Variants in AHRR observed in about 807,000 individuals in gnomAD.
AHRR encodes the protein aryl hydrocarbon receptor repressor, also known as ahR repressor.
AHRR carries 28 observed loss-of-function variants against 44.0 expected under a neutral mutation model. The observed-to-expected ratio is 0.64, with a 90% CI of 0.47 to 0.87. The LOEUF is 0.87. Ranked by LOEUF, AHRR falls within the 40% of genes least tolerant of loss-of-function variation. The probability of loss-of-function intolerance (pLI) is 0.00; values close to 1 mark genes in which losing one functional copy is unlikely to be tolerated. For missense variants in AHRR, 990 were observed against 953.9 expected (o/e 1.04, Z -0.50); for synonymous variants, 434 against 407.0 (o/e 1.07, Z -0.80).
rs930367473 is a variant in AHRR, at chr5:387,566, T to C, written c.351+10850T>C. Among the ~76,000 whole-genome samples the C allele has an allele frequency of 2.0e-5, 3 of 152,210 alleles. No homozygotes were observed. The highest frequency in any genetic ancestry group is 7.2e-5 in the African/African-American group (3 of 41,470). The stretch of plus-strand genomic sequence containing the variant: ...CAGCCATGCAGCACGTCCCTCCACC[T>C]GCCTTTCACCCTGTCTGCTGAGGGA... On this transcript the variant is annotated intron_variant, in intron 4 of 10. Coordinates refer to ENST00000684583, the MANE Select transcript of AHRR (RefSeq NM_001377236.1). This position sits in a 1 kb window ranked among gnomAD's most constrained non-coding sequence, Gnocchi z 5.1.
chr5:427,335 C>T (rs532936482), intron 7 of AHRR, among the ~76,000 whole-genome samples: 11 of 152,296 alleles, frequency 7.2e-5, no homozygotes, highest in African/African-American at 2.6e-4. Flanking sequence ...AAAATCAAGT[C>T]GTGCCTAAAT....
intron 10 of AHRR, among the ~76,000 whole-genome samples, chr5:433,158 C>T (rs961141645): frequency 6.6e-6 from 1 of 152,218 alleles, no homozygotes; most frequent in East Asian, 1.9e-4. Flanking sequence ...GGGACTGACC[C>T]CGGGAAGCAG....
At chr5:425,278 C>T (rs1579705594) in intron 7 of AHRR, among the ~76,000 whole-genome samples, 1 of 152,220 alleles carries the variant, frequency 6.6e-6, no homozygotes, top group East Asian at 1.9e-4. Context: ...CGCCCCAGGG[C>T]ACATCTTTCA....
At chr5:371,291 G>C (rs990749855) in intron 3 of AHRR, among the ~76,000 whole-genome samples, 2 of 152,186 alleles carry the variant, frequency 1.3e-5, no homozygotes, top group African/African-American at 4.8e-5. Flanking sequence ...CAGCAGGCAC[G>C]ATGTTTAATC....
intron 3 of AHRR, among the ~76,000 whole-genome samples, chr5:374,072 G>A (rs1477487881): frequency 2.0e-5 from 3 of 152,124 alleles, no homozygotes; most frequent in Admixed American, 6.5e-5. Flanking sequence ...GGTCGGCTCC[G>A]CTGCGGGAGC....
At chr5:412,462 G>C (rs761516811) in intron 4 of AHRR, among the ~76,000 whole-genome samples, 3 of 152,114 alleles carry the variant, frequency 2.0e-5, no homozygotes, top group Non-Finnish European at 2.9e-5. Context: ...GGAGTGACTC[G>C]TGTCTTGATG....
At chr5:391,343 G>A (rs1221438614) in intron 4 of AHRR, among the ~76,000 whole-genome samples, 1 of 128,394 alleles carries the variant, frequency 7.8e-6, no homozygotes. Context: ...GGCGAGGCGG[G>A]CGCAGGGCGA....
rs1741724201 is a variant in AHRR, at chr5:326,711, G to A, written c.-11+4892G>A. On this transcript the variant is annotated intron_variant, in intron 1 of 10. Coordinates refer to ENST00000684583, the MANE Select transcript of AHRR (RefSeq NM_001377236.1). This position sits in a 1 kb window ranked among gnomAD's most constrained non-coding sequence, Gnocchi z 4.1. The stretch of plus-strand genomic sequence containing the variant: ...TTACATTTTCACCAGCAATGCACCA[G>A]AAACAGTTCCAATTTCTCCATAGCC... Among the ~76,000 whole-genome samples, 1 of 152,092 alleles carries A rather than the reference G, an allele frequency of 6.6e-6. No homozygotes were observed. Among genetic ancestry groups the A allele is most frequent in the Admixed American group, 6.6e-5 (1 of 15,266 alleles).
Position 434,047 on chromosome 5 carries a change from C to T in AHRR, c.1307C>T (p.Pro436Leu), listed in dbSNP as rs767703177. ...LRPMPRGSCL[P>L]CPCVQGTFRN... ...CCCATGCCCCGCGGCTCCTGCCTGC[C>T]CTGCCCGTGTGTCCAGGGCACTTTC... is the stretch of plus-strand genomic sequence containing the variant. The change falls in exon 11 of 11, where the codon CCC becomes CTC. Residue 436 changes from proline (P) to leucine (L), a missense_variant. Pro to Leu is a moderately conservative substitution (Grantham distance 98). Transcript: ENST00000684583. 6.2e-6 allele frequency: 10 copies of T among 1,611,682 alleles called. No individual in the cohort carries two copies. In the African/African-American group the frequency reaches 1.3e-4, roughly 22 times the overall value.
intron 6 of AHRR, among the ~76,000 whole-genome samples, chr5:423,247 G>A (rs572623210): frequency 6.6e-6 from 1 of 152,324 alleles, no homozygotes; most frequent in South Asian, 2.1e-4. Flanking sequence ...AAAAGTCCCT[G>A]AAAGATTGTT....
At chr5:433,333 T>G (rs560479776) in intron 10 of AHRR, among the ~76,000 whole-genome samples, 20 of 151,464 alleles carry the variant, frequency 1.3e-4, no homozygotes, top group Admixed American at 2.6e-4. Flanking sequence ...CAGGTGGGCC[T>G]CCTCCCCTTT....
chr5:417,053 C>G (rs1260938880), intron 5 of AHRR, among the ~76,000 whole-genome samples: 1 of 148,358 alleles, frequency 6.7e-6, no homozygotes, highest in Admixed American at 6.8e-5. Context: ...GTGGCTTGGT[C>G]TGTATGTGCA....
At chr5:382,489 G>T (rs1389761783) in intron 4 of AHRR, among the ~76,000 whole-genome samples, 1 of 152,080 alleles carries the variant, frequency 6.6e-6, no homozygotes, top group Non-Finnish European at 1.5e-5. Context: ...TAGGTTCCAT[G>T]GTGATGTCTC....
intron 3 of AHRR, among the ~76,000 whole-genome samples, chr5:361,211 G>T (rs187565744): frequency 1.1e-4 from 16 of 152,340 alleles, no homozygotes; most frequent in Admixed American, 3.3e-4. Flanking sequence ...CTGCACTCCA[G>T]CCTGGGCGAC....
At chr5:424,347 GCACCCTGTGATGGTGTGGGGGTGT>G (rs1560921723) in intron 7 of AHRR, among the ~76,000 whole-genome samples, 31 of 146,612 alleles carry the variant, frequency 2.1e-4, no homozygotes, top group South Asian at 4.4e-4. Flanking sequence ...TGAGCTCTGT[GCACCCTGTGATGGTGTGGGGGTGT>G]TAACCCATGT....
At chr5:430,038 C>T (rs374718162) in intron 8 of AHRR, among the ~76,000 whole-genome samples, 6 of 152,184 alleles carry the variant, frequency 3.9e-5, no homozygotes, top group African/African-American at 1.2e-4. Context: ...CTGTGCAGAC[C>T]GGAGCAGACG....
At chr5:427,725 G>C (rs373140041) in intron 7 of AHRR, 82 bp from the exon 8 acceptor site, 3 of 1,613,650 alleles carry the variant, frequency 1.9e-6, no homozygotes, top group Non-Finnish European at 2.5e-6. Flanking sequence ...AGCCGCTGTC[G>C]CGCCCTTGAG....
chr5:376,991 T>A (rs185575537), intron 4 of AHRR, among the ~76,000 whole-genome samples: 1 of 152,284 alleles, frequency 6.6e-6, no homozygotes, highest in East Asian at 1.9e-4. Flanking sequence ...CAGGAAATCA[T>A]CCTCATTCTG....
chr5:425,418 C>T (rs1216907866), intron 7 of AHRR, among the ~76,000 whole-genome samples: 5 of 152,178 alleles, frequency 3.3e-5, no homozygotes, highest in African/African-American at 1.2e-4. Flanking sequence ...CCTGGGTTCA[C>T]GCCATTCTCC....
Sources: allele counts gnomAD v4.1 joint callset (sites outside exome capture counted in the v4.1 genomes callset), GRCh38; gene constraint gnomAD v4.1.1; non-coding constraint Gnocchi (gnomAD v3.1); transcripts MANE v1.5; gene names NCBI Gene and HGNC (gene_info 2026-07-23, HGNC 2026-07-21).